The following SUGCT variants were observed in gnomAD, a reference collection of about 807,000 sequenced individuals.
SUGCT encodes succinyl-CoA:glutarate CoA-transferase.
Under a neutral mutation model 55.0 loss-of-function variants are expected in SUGCT, and 41 were observed. The observed-to-expected ratio is 0.74, with a 90% CI of 0.58 to 0.97. The LOEUF is 0.97. SUGCT is among the 50% of genes least tolerant of loss of function. The pLI is 0.00. For missense variants in SUGCT, 568 were observed against 547.8 expected (o/e 1.04, Z -0.37); for synonymous variants, 187 against 200.4 (o/e 0.93, Z 0.56).
chr7:40,838,282 A>G (rs920795988), intron 13 of SUGCT, among the ~76,000 whole-genome samples: 2 of 152,214 alleles, frequency 1.3e-5, no homozygotes, highest in African/African-American at 2.4e-5. Context: ...ATCTGTGTTT[A>G]CAGGAGAAAA....
At chr7:40,768,411 A>G (rs1473327256) in intron 13 of SUGCT, among the ~76,000 whole-genome samples, 2 of 152,112 alleles carry the variant, frequency 1.3e-5, no homozygotes, top group African/African-American at 4.8e-5. Context: ...TAAAGGATAT[A>G]AGAATGATGT....
chr7:40,243,124 C>A (rs1789579147), intron 7 of SUGCT, among the ~76,000 whole-genome samples: 1 of 149,418 alleles, frequency 6.7e-6, no homozygotes, highest in Non-Finnish European at 1.5e-5. Context: ...TCTCTATCAT[C>A]TGTTTATCTA....
intron 1 of SUGCT, among the ~76,000 whole-genome samples, chr7:40,174,209 G>T (rs1453550173): frequency 6.6e-6 from 1 of 152,008 alleles, no homozygotes; most frequent in Non-Finnish European, 1.5e-5. Context: ...TTTTAATAGA[G>T]ACGGGGTTTT....
At chr7:40,567,690 C>G (rs765270118) in intron 12 of SUGCT, among the ~76,000 whole-genome samples, 1 of 152,174 alleles carries the variant, frequency 6.6e-6, no homozygotes, top group Non-Finnish European at 1.5e-5. Flanking sequence ...ACACTCTCTT[C>G]TTTGTTGGCC....
At chr7:40,499,211 A>T (rs10249126) in intron 12 of SUGCT, 3 of 425,064 alleles carry the variant, frequency 7.1e-6, no homozygotes, top group South Asian at 3.3e-5. Flanking sequence ...AACATGGCGT[A>T]GGAATGGAGA....
chr7:40,981,762 C>CAAA, the SUGCT span, among the ~76,000 whole-genome samples: 14 of 152,318 alleles, frequency 9.2e-5, no homozygotes, highest in East Asian at 9.6e-4. Context: ...GGTTCTTTGC[C>CAAA]ATTTTATGAC....
chr7:40,462,859 C>G (rs753748326), intron 11 of SUGCT, among the ~76,000 whole-genome samples: 1 of 151,994 alleles, frequency 6.6e-6, no homozygotes, highest in African/African-American at 2.4e-5. Flanking sequence ...TTTCGGTGAG[C>G]CTAAGAAGTT....
chr7:40,790,728 T>G (rs1012352244), intron 13 of SUGCT, among the ~76,000 whole-genome samples: 2 of 152,174 alleles, frequency 1.3e-5, no homozygotes, highest in African/African-American at 4.8e-5. Flanking sequence ...AAAATAAACA[T>G]TTGAGATATT....
chr7:40,531,047 A>T (rs912990074), intron 12 of SUGCT, among the ~76,000 whole-genome samples: 5 of 152,190 alleles, frequency 3.3e-5, no homozygotes, highest in African/African-American at 1.2e-4. Flanking sequence ...TGGTCATGGA[A>T]GATTTCCTTA....
At chr7:40,779,969 A>C (rs973850641) in intron 13 of SUGCT, among the ~76,000 whole-genome samples, 4 of 152,164 alleles carry the variant, frequency 2.6e-5, no homozygotes, top group African/African-American at 9.7e-5. Context: ...GCTGTCGGCA[A>C]ACTGTGTGGA....
the SUGCT span, among the ~76,000 whole-genome samples, chr7:40,926,983 A>C: frequency 6.6e-6 from 1 of 152,210 alleles, no homozygotes; most frequent in Admixed American, 6.5e-5. Context: ...TGTTCCTGCT[A>C]TCTCTGACAG....
At chr7:40,691,483 T>C (rs1332267448) in intron 12 of SUGCT, among the ~76,000 whole-genome samples, 1 of 152,166 alleles carries the variant, frequency 6.6e-6, no homozygotes, top group African/African-American at 2.4e-5. Context: ...AGGCCCAGCT[T>C]TCTGGTGAGA....
chr7:40,513,651 T>C (rs1371954671), intron 12 of SUGCT, among the ~76,000 whole-genome samples: 1 of 152,156 alleles, frequency 6.6e-6, no homozygotes, highest in Non-Finnish European at 1.5e-5. Context: ...ACACAGGCAC[T>C]CAATGACATC....
At chr7:40,393,070 G>A (rs1003027508) in intron 9 of SUGCT, among the ~76,000 whole-genome samples, 13 of 152,118 alleles carry the variant, frequency 8.5e-5, no homozygotes, top group Non-Finnish European at 1.5e-4. Flanking sequence ...TGATCTTGTC[G>A]GCAGAGATTT....
chr7:40,886,869 A>C, the SUGCT span, among the ~76,000 whole-genome samples: 1 of 152,222 alleles, frequency 6.6e-6, no homozygotes, highest in Admixed American at 6.5e-5. Context: ...GTCTATTTAT[A>C]TGAGAAATCA....
intron 9 of SUGCT, among the ~76,000 whole-genome samples, chr7:40,404,528 C>T (rs1206158513): frequency 1.3e-5 from 2 of 151,962 alleles, no homozygotes; most frequent in Admixed American, 6.6e-5. Context: ...ACCTCTGCCT[C>T]CTGGGTTAAG....
chr7:40,578,262 C>G (rs1796878178), intron 12 of SUGCT, among the ~76,000 whole-genome samples: 1 of 152,206 alleles, frequency 6.6e-6, no homozygotes, highest in Non-Finnish European at 1.5e-5. Flanking sequence ...CTGAAAATCC[C>G]TTAGTCCTGG....
intron 7 of SUGCT, among the ~76,000 whole-genome samples, chr7:40,268,121 G>C (rs924119489): frequency 5.9e-5 from 9 of 152,168 alleles, no homozygotes; most frequent in South Asian, 2.1e-4. Flanking sequence ...TTCATATACT[G>C]TACAACTCAC....
the SUGCT span, among the ~76,000 whole-genome samples, chr7:41,024,686 C>T: frequency 0.011 from 1,651 of 148,638 alleles, 24 homozygotes; most frequent in African/African-American, 0.038. Context: ...AAGGATGCCT[C>T]GTTATAACAA....
Sources: allele counts gnomAD v4.1 joint callset (sites outside exome capture counted in the v4.1 genomes callset), GRCh38; gene constraint gnomAD v4.1.1; transcripts MANE v1.5; gene names NCBI Gene and HGNC (gene_info 2026-07-23, HGNC 2026-07-21).